Variants in MICU2 observed in about 807,000 individuals in gnomAD.
The protein encoded by MICU2 is mitochondrial calcium uptake 2, also known as calcium uptake protein 2, mitochondrial.
Under a neutral mutation model 60.4 loss-of-function variants are expected in MICU2, and 64 were observed. The observed-to-expected ratio is 1.06, with a 90% CI of 0.87 to 1.31. The LOEUF (loss-of-function observed/expected upper bound fraction) is 1.31. Ranked by LOEUF, MICU2 falls within the 50% of genes most tolerant of loss-of-function variation. The pLI is 0.00. For missense variants in MICU2, 569 were observed against 531.0 expected (o/e 1.07, Z -0.70); for synonymous variants, 201 against 175.0 (o/e 1.15, Z -1.17).
chr13:21,531,678 T>C lies in MICU2; in HGVS notation c.466+7624A>G, dbSNP rs552333185. On this transcript the variant is annotated intron_variant, in intron 4 of 11. Transcript: ENST00000382374. ...ATAACTGCAGGTCATTTGTATGTAA[T>C]GGATATGAGGTAGCTGAAGTTTGGT... 3.9e-4 allele frequency among the ~76,000 whole-genome samples: 60 copies of C among 152,290 alleles called. 1 individual carries two copies. Among genetic ancestry groups the C allele is most frequent in the African/African-American group, 1.4e-3 (59 of 41,554 alleles).
intron 6 of MICU2, among the ~76,000 whole-genome samples, chr13:21,517,820 C>T (rs184371928): frequency 1.8e-4 from 27 of 151,838 alleles, no homozygotes; most frequent in Middle Eastern, 3.4e-3. Flanking sequence ...CGCGCACACG[C>T]GCTACATACT....
chr13:21,595,152 C>T (rs1888665848), intron 1 of MICU2, among the ~76,000 whole-genome samples: 2 of 152,132 alleles, frequency 1.3e-5, no homozygotes, highest in African/African-American at 4.8e-5. Context: ...CTTCTTGAAA[C>T]CTGGGTGAAA....
At chr13:21,585,507 A>G (rs570256082) in intron 1 of MICU2, among the ~76,000 whole-genome samples, 2 of 152,308 alleles carry the variant, frequency 1.3e-5, no homozygotes, top group East Asian at 1.9e-4. Flanking sequence ...AGTTTTACCT[A>G]CTGTTAATGT....
chr13:21,521,141 T>C, intron 6 of MICU2, 104 bp downstream of exon 6: 1 of 913,334 alleles, frequency 1.1e-6, no homozygotes, highest in African/African-American at 1.7e-5. Context: ...TGATAGTTCA[T>C]ATGTAAACAA....
intron 2 of MICU2, among the ~76,000 whole-genome samples, chr13:21,565,528 C>T (rs758907824): frequency 6.6e-6 from 1 of 152,192 alleles, no homozygotes; most frequent in African/African-American, 2.4e-5. Context: ...CGTGGTGGCA[C>T]GTGCCTGTAA....
At chr13:21,598,236 T>C (rs1211189448) in intron 1 of MICU2, among the ~76,000 whole-genome samples, 1 of 152,086 alleles carries the variant, frequency 6.6e-6, no homozygotes, top group African/African-American at 2.4e-5. Flanking sequence ...AAGTATCCAA[T>C]ATTACGTATA....
At chr13:21,548,696 C>A (rs1332241648) in intron 2 of MICU2, among the ~76,000 whole-genome samples, 2 of 152,166 alleles carry the variant, frequency 1.3e-5, no homozygotes, top group African/African-American at 2.4e-5. Flanking sequence ...CCCTTTACCA[C>A]AATTGACACC....
intron 6 of MICU2, among the ~76,000 whole-genome samples, chr13:21,518,341 G>A (rs758564992): frequency 6.6e-6 from 1 of 152,156 alleles, no homozygotes; most frequent in Non-Finnish European, 1.5e-5. Flanking sequence ...TTCATGTTCA[G>A]TTTCATGCTC....
At chr13:21,495,856 T>G (rs1885983111) in intron 10 of MICU2, 196 bp downstream of exon 10, 2 of 470,878 alleles carry the variant, frequency 4.2e-6, no homozygotes, top group East Asian at 3.8e-5. Flanking sequence ...TTTAGGAGAA[T>G]GAGAAAATAA....
intron 2 of MICU2, among the ~76,000 whole-genome samples, chr13:21,543,233 T>C (rs1041719589): frequency 6.6e-6 from 1 of 152,170 alleles, no homozygotes; most frequent in Non-Finnish European, 1.5e-5. Context: ...AACATCATAC[T>C]ACAAGCTCTC....
intron 1 of MICU2, among the ~76,000 whole-genome samples, chr13:21,602,035 G>T (rs551428020): frequency 6.6e-6 from 1 of 151,664 alleles, no homozygotes; most frequent in Non-Finnish European, 1.5e-5. Flanking sequence ...TTGAACCGGG[G>T]AGTTAAGAGG....
intron 2 of MICU2, among the ~76,000 whole-genome samples, chr13:21,557,168 G>C (rs1394096931): frequency 6.6e-6 from 1 of 152,156 alleles, no homozygotes; most frequent in Non-Finnish European, 1.5e-5. Flanking sequence ...AGTAGGCAGG[G>C]TGGGGACAAC....
intron 1 of MICU2, chr13:21,602,884 A>G (rs565813665): frequency 1.4e-4 from 22 of 152,366 alleles, no homozygotes; most frequent in African/African-American, 5.3e-4. Context: ...AAAACTTACT[A>G]AGTCTACAAA....
Position 21,503,004 on chromosome 13 carries a change from C to A in MICU2, c.855G>T (p.Glu285Asp), listed in dbSNP as rs201863364. 2.6e-5 allele frequency: 42 copies of A among 1,610,922 alleles called. No individual in the cohort carries two copies. Among genetic ancestry groups the A allele is most frequent in the Non-Finnish European group, 3.6e-5 (42 of 1,179,012 alleles). ...LSFMRKEDFAEWLLFFTNTEN... is the reference protein window; with the variant it reads ...LSFMRKEDFADWLLFFTNTEN... Reference sequence around the variant, plus strand: ...CAGTGTTAGTGAAAAAAAGTAGCCACTCTGCAAAGTCTTCTTTTCTCATGA... The same window carrying A: ...CAGTGTTAGTGAAAAAAAGTAGCCAATCTGCAAAGTCTTCTTTTCTCATGA... Residue 285 changes from glutamate to aspartate, a missense_variant, in exon 9 of 12, where the codon GAG becomes GAT. Glu to Asp is a conservative substitution (Grantham distance 45). Coordinates refer to ENST00000382374, the MANE Select transcript of MICU2 (RefSeq NM_152726.3).
intron 1 of MICU2, among the ~76,000 whole-genome samples, chr13:21,577,906 G>A (rs975680447): frequency 2.2e-4 from 34 of 151,210 alleles, no homozygotes; most frequent in African/African-American, 7.3e-5. Context: ...TTGAGCTTAC[G>A]AGTTCAAGGT....
intron 2 of MICU2, among the ~76,000 whole-genome samples, chr13:21,554,253 C>G (rs1488733160): frequency 6.6e-6 from 1 of 152,172 alleles, no homozygotes; most frequent in African/African-American, 2.4e-5. Context: ...CACACCACAT[C>G]TATTCCAAAA....
intron 1 of MICU2, among the ~76,000 whole-genome samples, chr13:21,584,338 G>A (rs898968410): frequency 6.7e-6 from 1 of 148,688 alleles, no homozygotes; most frequent in Non-Finnish European, 1.5e-5. Flanking sequence ...GCAGTGAGCC[G>A]AGATCACACC....
At chr13:21,545,758 T>C (rs1362609961) in intron 2 of MICU2, among the ~76,000 whole-genome samples, 1 of 151,402 alleles carries the variant, frequency 6.6e-6, no homozygotes, top group Admixed American at 6.6e-5. Context: ...AAGAGAGGGA[T>C]AGGAAGAGAT....
intron 1 of MICU2, among the ~76,000 whole-genome samples, chr13:21,594,670 C>T (rs937418560): frequency 6.6e-6 from 1 of 152,134 alleles, no homozygotes; most frequent in East Asian, 1.9e-4. Context: ...AAATGTGGTA[C>T]ATATATACCA....
Sources: gnomAD v4.1 joint callset for allele counts (sites outside exome capture counted in the v4.1 genomes callset) on GRCh38, gnomAD v4.1.1 for gene constraint, MANE v1.5 for transcripts, NCBI Gene and HGNC (gene_info 2026-07-23, HGNC 2026-07-21) for gene names.